The following FUT8 variants were observed in gnomAD, a reference collection of about 807,000 sequenced individuals.
FUT8 encodes the protein fucosyltransferase 8.
FUT8 carries 29 observed loss-of-function variants against 71.3 expected under a neutral mutation model. The observed-to-expected ratio is 0.41, with a 90% CI of 0.30 to 0.55. The LOEUF (loss-of-function observed/expected upper bound fraction) is 0.55, where lower values mean the gene tolerates loss of function less well. FUT8 is among the 20% of genes least tolerant of loss of function. The pLI, the probability that FUT8 is intolerant of heterozygous loss-of-function variation, is 0.34. For synonymous variants in FUT8, 254 were observed against 239.3 expected (o/e 1.06, Z -0.57); for missense variants, 544 against 702.1 (o/e 0.77, Z 2.55).
At chr14:65,493,657 A>G (rs2066516963) in intron 2 of FUT8, among the ~76,000 whole-genome samples, 1 of 152,130 alleles carries the variant, frequency 6.6e-6, no homozygotes, top group Non-Finnish European at 1.5e-5. Context: ...TCTGTTACAG[A>G]AAAGAAACTG....
intron 6 of FUT8, among the ~76,000 whole-genome samples, chr14:65,633,387 C>T (rs1421999847): frequency 2.0e-5 from 3 of 151,454 alleles, no homozygotes; most frequent in Non-Finnish European, 2.9e-5. Flanking sequence ...ACCTCCCAGC[C>T]GCCTGCCTTG....
At chr14:65,730,138 A>G (rs760247540) in intron 9 of FUT8, among the ~76,000 whole-genome samples, 35 of 152,336 alleles carry the variant, frequency 2.3e-4, no homozygotes, top group Admixed American at 6.5e-5. Context: ...ATAGTATCCA[A>G]GGTAATCATT....
chr14:65,361,403 C>A, the FUT8 span, among the ~76,000 whole-genome samples: 2 of 150,430 alleles, frequency 1.3e-5, no homozygotes, highest in South Asian at 4.2e-4. Context: ...TACTAGAGAC[C>A]TTGTAAGGAT....
At chr14:65,655,074 A>G (rs1274014828) in intron 6 of FUT8, among the ~76,000 whole-genome samples, 1 of 152,004 alleles carries the variant, frequency 6.6e-6, no homozygotes, top group Admixed American at 6.5e-5. Context: ...TAATGATCCA[A>G]CTATATGCTG....
At chr14:65,419,819 C>A (rs990277345) in intron 1 of FUT8, among the ~76,000 whole-genome samples, 1 of 152,076 alleles carries the variant, frequency 6.6e-6, no homozygotes, top group Non-Finnish European at 1.5e-5. Context: ...GTAAACCGAC[C>A]CCCTCAACAG....
intron 1 of FUT8, among the ~76,000 whole-genome samples, chr14:65,425,229 G>C (rs537736304): frequency 3.0e-4 from 46 of 150,900 alleles, no homozygotes; most frequent in Non-Finnish European, 6.0e-4. Flanking sequence ...GCAATGGCAC[G>C]AACTCGGCTC....
At chr14:65,532,998 CTG>C (rs1180737614) in intron 2 of FUT8, among the ~76,000 whole-genome samples, 2 of 152,040 alleles carry the variant, frequency 1.3e-5, no homozygotes, top group Non-Finnish European at 2.9e-5. Flanking sequence ...GTCTGTGTGT[CTG>C]TGTTTTTTGT....
chr14:65,633,849 G>T (rs900482489), intron 6 of FUT8, among the ~76,000 whole-genome samples: 2 of 152,006 alleles, frequency 1.3e-5, no homozygotes, highest in African/African-American at 4.8e-5. Context: ...GGAGGGAGGT[G>T]GGGGGTCAGC....
At chr14:65,405,087 A>G in the FUT8 span, among the ~76,000 whole-genome samples, 1 of 152,184 alleles carries the variant, frequency 6.6e-6, no homozygotes, top group African/African-American at 2.4e-5. Context: ...TATCCTCCTC[A>G]TGGTCCAAGA....
intron 7 of FUT8, among the ~76,000 whole-genome samples, chr14:65,690,036 G>A (rs1313411994): frequency 6.6e-6 from 1 of 152,146 alleles, no homozygotes; most frequent in Non-Finnish European, 1.5e-5. Context: ...TTTTATGAAA[G>A]GTATAAGGTC....
chr14:65,450,426 C>T (rs1453472269), intron 1 of FUT8, among the ~76,000 whole-genome samples: 1 of 152,046 alleles, frequency 6.6e-6, no homozygotes, highest in African/African-American at 2.4e-5. Flanking sequence ...TATCGTTTTA[C>T]TTCTCTTCCT....
intron 2 of FUT8, among the ~76,000 whole-genome samples, chr14:65,481,339 G>A (rs1159718794): frequency 6.6e-6 from 1 of 152,062 alleles, no homozygotes; most frequent in African/African-American, 2.4e-5. Flanking sequence ...TTTTAAAGAT[G>A]CTAATCACGT....
At position 65,669,141 on chromosome 14, in the gene FUT8, C is replaced by T. The variant is rs538668263; in HGVS notation, c.598-102C>T. 3 of 806,782 alleles carry T rather than the reference C, an allele frequency of 3.7e-6. No homozygotes were observed. Among genetic ancestry groups the T allele is most frequent in the African/African-American group, 1.7e-5 (1 of 57,530 alleles). The allele number at this position is 806,782 out of a possible 1,614,324, so 50.0% of individuals were successfully genotyped here. A position where few individuals can be genotyped will look rare whatever the true frequency, so the allele number is the denominator to read the frequency against. On this transcript the variant is annotated intron_variant, in intron 6 of 10. Coordinates refer to ENST00000673929, the MANE Select transcript of FUT8 (RefSeq NM_001371533.1). This position sits in a 1 kb window ranked among gnomAD's most constrained non-coding sequence, Gnocchi z 4.5. ...ACACACAATTTATCTATAGAACAAA[C>T]CTGCATGTGTACCCCTGAAGATGAA...
At chr14:65,662,447 T>C (rs1424019980) in intron 6 of FUT8, among the ~76,000 whole-genome samples, 2 of 152,208 alleles carry the variant, frequency 1.3e-5, no homozygotes, top group African/African-American at 4.8e-5. Flanking sequence ...AATCCTGTTA[T>C]ATCTTAAATC....
rs117170023 is a variant in FUT8, at chr14:65,680,237, C to T, written c.835+10757C>T. On this transcript the variant is annotated intron_variant, in intron 7 of 10. Coordinates refer to ENST00000673929, the MANE Select transcript of FUT8 (RefSeq NM_001371533.1). ...GATGGTGTAATGATTCCAGTTCAAG[C>T]CTGAAGGCCTGAGAACCAGGAGTGC... Among the ~76,000 whole-genome samples the T allele has an allele frequency of 4.8e-3, 736 of 152,286 alleles. 7 individuals are homozygous for T. The highest frequency in any genetic ancestry group is 0.035 in the East Asian group (182 of 5,186).
At chr14:65,620,002 T>C (rs1011933686) in intron 5 of FUT8, among the ~76,000 whole-genome samples, 1 of 152,212 alleles carries the variant, frequency 6.6e-6, no homozygotes, top group Non-Finnish European at 1.5e-5. Flanking sequence ...TCATGGAGTC[T>C]GTCTTATCAA....
intron 2 of FUT8, among the ~76,000 whole-genome samples, chr14:65,465,847 TACCG>T (rs1193863540): frequency 6.6e-6 from 1 of 152,238 alleles, no homozygotes; most frequent in Non-Finnish European, 1.5e-5. Context: ...TTCTGTCAAT[TACCG>T]ATAGAGGGTT....
At chr14:65,554,929 CAGATA>C (rs1885507121) in intron 2 of FUT8, among the ~76,000 whole-genome samples, 1 of 152,054 alleles carries the variant, frequency 6.6e-6, no homozygotes, top group African/African-American at 2.4e-5. Flanking sequence ...TTTTGACAGG[CAGATA>C]ATTTACTTTT....
chr14:65,427,020 G>A (rs1374220820), intron 1 of FUT8, among the ~76,000 whole-genome samples: 4 of 151,828 alleles, frequency 2.6e-5, no homozygotes, highest in East Asian at 1.9e-4. Flanking sequence ...TACCATGCCC[G>A]GCTAATTTTG....
Sources: gnomAD v4.1 joint callset for allele counts (sites outside exome capture counted in the v4.1 genomes callset) on GRCh38, gnomAD v4.1.1 for gene constraint, Gnocchi (gnomAD v3.1) non-coding constraint, MANE v1.5 for transcripts, NCBI Gene and HGNC (gene_info 2026-07-23, HGNC 2026-07-21) for gene names.